Variants in XRRA1 observed in about 807,000 individuals in gnomAD.
The protein encoded by XRRA1 is X-ray radiation resistance associated 1.
A neutral mutation model predicts 80.2 loss-of-function variants in XRRA1; 69 were observed. The observed-to-expected ratio is 0.86, with a 90% CI of 0.71 to 1.05. The LOEUF is 1.05. XRRA1 is among the 50% of genes least tolerant of loss of function. The probability of loss-of-function intolerance (pLI) is 0.00; values close to 1 mark genes in which losing one functional copy is unlikely to be tolerated. For missense variants in XRRA1, 967 were observed against 976.4 expected (o/e 0.99, Z 0.13); for synonymous variants, 348 against 389.9 (o/e 0.89, Z 1.27).
intron 10 of XRRA1, among the ~76,000 whole-genome samples, chr11:74,883,961 G>T (rs1043968592): frequency 6.6e-6 from 1 of 152,170 alleles, no homozygotes; most frequent in Non-Finnish European, 1.5e-5. Flanking sequence ...ACTTTGGGAG[G>T]CTGAGGCAGG....
chr11:74,851,980 G>A lies in XRRA1; in HGVS notation c.1264+9C>T. The A allele has an allele frequency of 6.2e-7, 1 of 1,612,714 alleles. No individual in the cohort carries two copies. The highest frequency in any genetic ancestry group is 8.5e-7 in the Non-Finnish European group (1 of 1,178,760). ...GGGTTGAGAGGGGGCAGGTTTGCGGGCACTATACCTCGTGTATGGGCCACC... is the reference window on the plus strand; with the variant it reads ...GGGTTGAGAGGGGGCAGGTTTGCGGACACTATACCTCGTGTATGGGCCACC... On this transcript the variant is annotated intron_variant, in intron 13 of 18. Coordinates refer to ENST00000684022, the MANE Select transcript of XRRA1 (RefSeq NM_001378157.1).
intron 10 of XRRA1, among the ~76,000 whole-genome samples, chr11:74,905,545 G>A (rs2054401311): frequency 6.6e-6 from 1 of 152,174 alleles, no homozygotes; most frequent in African/African-American, 2.4e-5. Flanking sequence ...CTTCCTATCT[G>A]CTTCCCATGG....
chr11:74,905,436 G>A (rs771439472), intron 10 of XRRA1, among the ~76,000 whole-genome samples: 2 of 152,094 alleles, frequency 1.3e-5, no homozygotes, highest in Admixed American at 6.5e-5. Flanking sequence ...TCTCAAAACC[G>A]TATTTCTGCT....
chr11:74,866,864 A>C (rs2043560212), intron 10 of XRRA1, among the ~76,000 whole-genome samples: 1 of 152,190 alleles, frequency 6.6e-6, no homozygotes, highest in Non-Finnish European at 1.5e-5. Context: ...ACATCAAAAA[A>C]GAAAATATTA....
At position 74,859,204 on chromosome 11, in the gene XRRA1, G is replaced by A. The variant is rs1173715153; in HGVS notation, c.1124C>T (p.Ala375Val). ...KSLKARNQTL[A>V]PPFPELRYLS... Reference sequence around the variant, plus strand: ...GTATCTCAGCTCTGGGAAGGGTGGGGCCAGCGTCTGGTTCCTGGCCTTCAG... The same window carrying A: ...GTATCTCAGCTCTGGGAAGGGTGGGACCAGCGTCTGGTTCCTGGCCTTCAG... Residue 375 changes from alanine (A) to valine (V), a missense_variant, in exon 12 of 19, where the codon GCC becomes GTC. Ala to Val is a moderately conservative substitution (Grantham distance 64). Transcript: ENST00000684022. 3.7e-6 allele frequency: 6 copies of A among 1,609,468 alleles called. No homozygotes were observed. The highest frequency in any genetic ancestry group is 1.7e-5 in the Admixed American group (1 of 59,374).
chr11:74,913,725 G>A (rs1024705699), intron 8 of XRRA1: 3 of 152,124 alleles, frequency 2.0e-5, no homozygotes, highest in African/African-American at 7.2e-5. Context: ...TGGCGAGCAG[G>A]AAAAGTTGCA....
intron 13 of XRRA1, 65 bp from the exon 14 acceptor site, chr11:74,851,268 C>G: frequency 8.1e-7 from 1 of 1,237,910 alleles, no homozygotes; most frequent in Non-Finnish European, 1.1e-6. Flanking sequence ...TTACTATGTG[C>G]CAGGCACTAT....
At chr11:74,878,778 A>G (rs1245014875) in intron 10 of XRRA1, among the ~76,000 whole-genome samples, 1 of 151,240 alleles carries the variant, frequency 6.6e-6, no homozygotes, top group Non-Finnish European at 1.5e-5. Context: ...AGTTGTAGAT[A>G]TGCGGCATTA....
At chr11:74,901,915 C>T in intron 10 of XRRA1, among the ~76,000 whole-genome samples, 1 of 152,032 alleles carries the variant, frequency 6.6e-6, no homozygotes, top group Non-Finnish European at 1.5e-5. Context: ...CAAAAATAGA[C>T]AAATGGGATC....
intron 11 of XRRA1, among the ~76,000 whole-genome samples, chr11:74,859,736 G>A (rs2041930981): frequency 6.6e-6 from 1 of 152,064 alleles, no homozygotes. Flanking sequence ...GGTGTTTTGA[G>A]CCTTGAACAC....
chr11:74,918,664 C>G (rs992730877), intron 8 of XRRA1, among the ~76,000 whole-genome samples: 7 of 152,176 alleles, frequency 4.6e-5, no homozygotes, highest in African/African-American at 2.4e-5. Flanking sequence ...CCCCTTCCTT[C>G]TGTGTTCTTC....
intron 8 of XRRA1, among the ~76,000 whole-genome samples, chr11:74,911,829 T>C (rs116486457): frequency 6.6e-4 from 100 of 152,310 alleles, no homozygotes; most frequent in African/African-American, 2.1e-3. Flanking sequence ...CTTGAGGGCA[T>C]ATACTTATCC....
intron 10 of XRRA1, among the ~76,000 whole-genome samples, chr11:74,867,075 C>T (rs1038485493): frequency 2.0e-5 from 3 of 152,170 alleles, no homozygotes; most frequent in African/African-American, 4.8e-5. Context: ...TGGCCCTGCA[C>T]CCTGGCCCAT....
In XRRA1 at chr11:74,883,294, C is replaced by CT. The variant is rs545152039; in HGVS notation, c.1004-20274dup. On this transcript the variant is annotated intron_variant, in intron 10 of 18. Coordinates refer to ENST00000684022, the MANE Select transcript of XRRA1 (RefSeq NM_001378157.1). ...ATTTTCCAGGTGCCGTCCGTCACCCCTTTCTTTGACTCAGGAAGGGAACTC... is the reference window on the plus strand; with the variant it reads ...ATTTTCCAGGTGCCGTCCGTCACCCCTTTTCTTTGACTCAGGAAGGGAACTC... Among the ~76,000 whole-genome samples the CT allele has an allele frequency of 2.4e-4, 36 of 152,346 alleles. No homozygotes were observed. In the South Asian group the frequency reaches 7.5e-3, roughly 32 times the overall value.
chr11:74,942,036 C>G (rs897375937), intron 2 of XRRA1, among the ~76,000 whole-genome samples: 2 of 151,932 alleles, frequency 1.3e-5, no homozygotes, highest in Non-Finnish European at 2.9e-5. Flanking sequence ...CTGCTTAAGC[C>G]CAGGATGTCC....
intron 14 of XRRA1, 116 bp from the exon 15 acceptor site, chr11:74,848,578 C>T (rs571437): frequency 0.2 from 177,805 of 897,082 alleles, 19,498 homozygotes; most frequent in South Asian, 0.37. Flanking sequence ...CGGACTGAGG[C>T]GGGGGTGGAA....
At chr11:74,857,386 A>G (rs1432662520) in intron 12 of XRRA1, among the ~76,000 whole-genome samples, 1 of 152,240 alleles carries the variant, frequency 6.6e-6, no homozygotes, top group Non-Finnish European at 1.5e-5. Context: ...GAGGCAAAAA[A>G]AAAAGGCAAC....
intron 8 of XRRA1, among the ~76,000 whole-genome samples, chr11:74,917,690 G>T (rs1056727565): frequency 1.3e-5 from 2 of 152,162 alleles, no homozygotes; most frequent in African/African-American, 4.8e-5. Context: ...TAATGGAAAT[G>T]AAAGTAGCTC....
intron 10 of XRRA1, among the ~76,000 whole-genome samples, chr11:74,867,345 G>A (rs1216360445): frequency 3.9e-5 from 6 of 152,128 alleles, no homozygotes; most frequent in African/African-American, 1.4e-4. Context: ...AAAATAATAT[G>A]GGAGATGAAA....
Sources: gnomAD v4.1 joint callset for allele counts (sites outside exome capture counted in the v4.1 genomes callset) on GRCh38, gnomAD v4.1.1 for gene constraint, MANE v1.5 for transcripts, NCBI Gene and HGNC (gene_info 2026-07-23, HGNC 2026-07-21) for gene names.